Variants in EPHA3 observed in about 807,000 individuals in gnomAD.
The protein encoded by EPHA3 is EPH receptor A3.
Under a neutral mutation model 107.1 loss-of-function variants are expected in EPHA3, and 42 were observed. The observed-to-expected ratio is 0.39, with a 90% CI of 0.31 to 0.51. EPHA3 has a LOEUF of 0.51. Among genes scored for constraint, EPHA3 ranks in the 20% least tolerant of loss-of-function variants. The pLI is 0.78. For missense variants in EPHA3, 1,183 were observed against 1,211.2 expected, an observed-to-expected ratio of 0.98 and a Z score of 0.35; for synonymous variants, 461 against 424.8, an observed-to-expected ratio of 1.09 and a Z score of -1.05.
intron 15 of EPHA3, among the ~76,000 whole-genome samples, chr3:89,452,883 A>T (rs188793288): frequency 1.3e-5 from 2 of 152,150 alleles, no homozygotes; most frequent in Admixed American, 1.3e-4. Flanking sequence ...TGTTTTTTAC[A>T]TAATAGTTTA....
At chr3:89,474,383 C>G (rs1259604954) in intron 16 of EPHA3, among the ~76,000 whole-genome samples, 1 of 152,112 alleles carries the variant, frequency 6.6e-6, no homozygotes, top group Admixed American at 6.5e-5. Context: ...TTCTGTGGTA[C>G]TTATTTTGAT....
At chr3:89,150,696 C>CCATAG (rs1704672565) in intron 2 of EPHA3, among the ~76,000 whole-genome samples, 1 of 152,064 alleles carries the variant, frequency 6.6e-6, no homozygotes, top group African/African-American at 2.4e-5. Context: ...TTCAGTTTTT[C>CCATAG]CATAGCATTA....
rs1301898147 is a variant in EPHA3, at chr3:89,431,239, T to C, written c.2226T>C (p.Tyr742=). 6.2e-7 allele frequency: 1 copy of C among 1,613,978 alleles called. No individual in the cohort carries two copies. Among genetic ancestry groups the C allele is most frequent in the Non-Finnish European group, 8.5e-7 (1 of 1,179,956 alleles). ...TGAAGTACCTGTCAGACATGGGCTATGTTCACCGAGACCTCGCTGCTCGGA... is the reference window on the plus strand; with the variant it reads ...TGAAGTACCTGTCAGACATGGGCTACGTTCACCGAGACCTCGCTGCTCGGA... ...SGMKYLSDMG[Y]VHRDLAARNI... Residue 742 remains tyrosine (Y), a synonymous_variant, in exon 13 of 17, where the codon TAT becomes TAC. Coordinates refer to ENST00000336596, the MANE Select transcript of EPHA3 (RefSeq NM_005233.6).
chr3:89,330,608 C>T (rs1364254886), intron 3 of EPHA3, among the ~76,000 whole-genome samples: 3 of 151,850 alleles, frequency 2.0e-5, no homozygotes, highest in African/African-American at 7.3e-5. Context: ...ACAGTAAAGC[C>T]AATTTAAAGG....
At chr3:89,141,294 C>G (rs1704427204) in intron 2 of EPHA3, among the ~76,000 whole-genome samples, 1 of 151,372 alleles carries the variant, frequency 6.6e-6, no homozygotes, top group South Asian at 2.1e-4. Context: ...TGGACTTAGA[C>G]TAGAGGTGCA....
intron 5 of EPHA3, among the ~76,000 whole-genome samples, chr3:89,364,062 C>T (rs932404466): frequency 2.0e-5 from 3 of 150,704 alleles, no homozygotes; most frequent in African/African-American, 7.3e-5. Context: ...CAACATTACC[C>T]TTTTGGAGAT....
intron 2 of EPHA3, among the ~76,000 whole-genome samples, chr3:89,136,330 C>CTTTTTTTTTTA (rs1704310690): frequency 4.3e-5 from 1 of 23,370 alleles, no homozygotes; most frequent in Non-Finnish European, 7.8e-5. Flanking sequence ...ATCTTACAGG[C>CTTTTTTTTTTA]TTTTTTTTTT....
At chr3:89,272,781 T>C (rs960991391) in intron 3 of EPHA3, among the ~76,000 whole-genome samples, 1 of 151,914 alleles carries the variant, frequency 6.6e-6, no homozygotes, top group African/African-American at 2.4e-5. Flanking sequence ...ATGGAACACA[T>C]GGAAAGTTGG....
At chr3:89,333,252 A>T (rs900880451) in intron 3 of EPHA3, among the ~76,000 whole-genome samples, 12 of 152,074 alleles carry the variant, frequency 7.9e-5, no homozygotes, top group African/African-American at 2.9e-4. Context: ...TTTTACCCCC[A>T]TATGGGCCCA....
chr3:89,214,883 A>G (rs1393934423), intron 3 of EPHA3, among the ~76,000 whole-genome samples: 1 of 151,962 alleles, frequency 6.6e-6, no homozygotes, highest in Non-Finnish European at 1.5e-5. Context: ...GGAAATAAGC[A>G]AACAACTGCA....
At chr3:89,423,231 A>G (rs1453774386) in intron 11 of EPHA3, among the ~76,000 whole-genome samples, 1 of 151,360 alleles carries the variant, frequency 6.6e-6, no homozygotes, top group Admixed American at 6.6e-5. Context: ...TTATTGAGGA[A>G]TGTCATGGGC....
chr3:89,342,405 G>A (rs1434351829), intron 5 of EPHA3, among the ~76,000 whole-genome samples: 1 of 151,980 alleles, frequency 6.6e-6, no homozygotes, highest in African/African-American at 2.4e-5. Context: ...AGAGAACTTA[G>A]GCAATGAATC....
intron 2 of EPHA3, among the ~76,000 whole-genome samples, chr3:89,164,207 G>T (rs1705010580): frequency 6.6e-6 from 1 of 152,168 alleles, no homozygotes; most frequent in South Asian, 2.1e-4. Context: ...ATTAGAAGAA[G>T]AATAATTGTC....
At chr3:89,199,872 T>C (rs1055752721) in intron 2 of EPHA3, among the ~76,000 whole-genome samples, 4 of 152,316 alleles carry the variant, frequency 2.6e-5, no homozygotes, top group Admixed American at 1.3e-4. Context: ...GTCTGTACTT[T>C]GTATAATTTT....
chr3:89,296,601 G>A (rs1706358937), intron 3 of EPHA3, among the ~76,000 whole-genome samples: 1 of 152,104 alleles, frequency 6.6e-6, no homozygotes, highest in Non-Finnish European at 1.5e-5. Flanking sequence ...AGTATATTTA[G>A]CAAAATTATT....
At chr3:89,456,857 C>G (rs546459235) in intron 15 of EPHA3, among the ~76,000 whole-genome samples, 342 of 152,202 alleles carry the variant, frequency 2.2e-3, no homozygotes, top group Non-Finnish European at 3.1e-3. Context: ...GATGTTTATT[C>G]AACAATAACC....
intron 5 of EPHA3, among the ~76,000 whole-genome samples, chr3:89,384,901 T>C (rs553870314): frequency 2.1e-4 from 32 of 152,300 alleles, no homozygotes; most frequent in African/African-American, 6.0e-4. Context: ...AAACTGCAGA[T>C]GTATTATATG....
At chr3:89,374,985 A>G (rs1264610222) in intron 5 of EPHA3, among the ~76,000 whole-genome samples, 9 of 151,854 alleles carry the variant, frequency 5.9e-5, no homozygotes, top group African/African-American at 4.8e-5. Context: ...TTTCAATATT[A>G]TCTGTATCAC....
chr3:89,220,431 G>T (rs1330187722), intron 3 of EPHA3, among the ~76,000 whole-genome samples: 1 of 152,110 alleles, frequency 6.6e-6, no homozygotes, highest in Non-Finnish European at 1.5e-5. Context: ...AAAGAAGAAA[G>T]ATTTCAGGAA....
Sources: gnomAD v4.1 joint callset for allele counts (sites outside exome capture counted in the v4.1 genomes callset) on GRCh38, gnomAD v4.1.1 for gene constraint, MANE v1.5 for transcripts, NCBI Gene and HGNC (gene_info 2026-07-23, HGNC 2026-07-21) for gene names.